SHANK1: variants seen among roughly 807,000 people sequenced by gnomAD.
SHANK1 encodes SH3 and multiple ankyrin repeat domains protein 1.
Under a neutral mutation model 165.6 loss-of-function variants are expected in SHANK1, and 35 were observed. That is an observed-to-expected ratio of 0.21 (90% CI 0.16 to 0.28). SHANK1 has a LOEUF of 0.28. Ranked by LOEUF, SHANK1 falls within the 10% of genes least tolerant of loss-of-function variation. The pLI, the probability that SHANK1 is intolerant of heterozygous loss-of-function variation, is 1.00. For missense variants in SHANK1, 2,681 were observed against 3,036.4 expected (o/e 0.88, Z 2.75); for synonymous variants, 1,428 against 1,384.8 (o/e 1.03, Z -0.69).
At chr19:50,699,197 C>T (rs1279803353) in intron 12 of SHANK1, among the ~76,000 whole-genome samples, 2 of 152,236 alleles carry the variant, frequency 1.3e-5, no homozygotes, top group Non-Finnish European at 2.9e-5. Flanking sequence ...TTGGCTGGTA[C>T]TGCCATGCCT....
At chr19:50,676,518 G>C (rs1985991285) in intron 21 of SHANK1, among the ~76,000 whole-genome samples, 1 of 152,034 alleles carries the variant, frequency 6.6e-6, no homozygotes, top group African/African-American at 2.4e-5. Flanking sequence ...TAGGAGTTGA[G>C]GTTAGACAGG....
At position 50,712,044 on chromosome 19, in the gene SHANK1, G is replaced by A. The variant is rs779141137; in HGVS notation, c.863C>T (p.Ala288Val). 6.2e-7 allele frequency: 1 copy of A among 1,613,918 alleles called. No homozygotes were observed. The highest frequency in any genetic ancestry group is 8.5e-7 in the Non-Finnish European group (1 of 1,179,956). ...RRGLTPLFHT[A>V]MVGGDPRCCE... ...GCATCGGGGGTCACCACCCACCATG[G>A]CCGTGTGGAACAGAGGGGTCAGCCC... The change falls in exon 7 of 24, where the codon GCC becomes GTC. Residue 288 changes from alanine (A) to valine (V), a missense_variant. Coordinates refer to ENST00000293441, the MANE Select transcript of SHANK1 (RefSeq NM_016148.5).
intron 12 of SHANK1, among the ~76,000 whole-genome samples, chr19:50,699,809 G>A (rs1568440263): frequency 3.3e-5 from 5 of 151,792 alleles, no homozygotes; most frequent in Non-Finnish European, 5.9e-5. Context: ...TTGGGAGATT[G>A]GAGGGATTGG....
chr19:50,707,657 C>T (rs1402082375), intron 8 of SHANK1, among the ~76,000 whole-genome samples: 1 of 150,104 alleles, frequency 6.7e-6, no homozygotes, highest in Admixed American at 6.7e-5. Flanking sequence ...ACCTTTTGGG[C>T]TCAAGCAATC....
chr19:50,687,033 G>T, intron 19 of SHANK1: 1 of 1,485,972 alleles, frequency 6.7e-7, no homozygotes, highest in East Asian at 2.7e-5. Flanking sequence ...TCTTCTTCCA[G>T]GGGGAGACTA....
At chr19:50,708,796 T>TTCAC (rs1191019852) in intron 8 of SHANK1, among the ~76,000 whole-genome samples, 1 of 152,198 alleles carries the variant, frequency 6.6e-6, no homozygotes, top group South Asian at 2.1e-4. Context: ...CATTCATTCA[T>TTCAC]TCACTCACTC....
chr19:50,714,030 T>C, intron 5 of SHANK1, 81 bp from the exon 6 acceptor site: 2 of 1,573,690 alleles, frequency 1.3e-6, no homozygotes, highest in South Asian at 1.2e-5. Flanking sequence ...TCTGCAGCTC[T>C]CCACCCCACA....
Position 50,670,743 on chromosome 19 carries a change from C to T in SHANK1, c.2674+1275G>A, listed in dbSNP as rs1305168822. Among the ~76,000 whole-genome samples, 1 of 152,142 alleles carries T rather than the reference C, an allele frequency of 6.6e-6. No homozygotes were observed. The highest frequency in any genetic ancestry group is 1.5e-5 in the Non-Finnish European group (1 of 68,018). The stretch of plus-strand genomic sequence containing the variant: ...AGGTAGTTCGCTCTGCCTGGAATGC[C>T]TCAACCCCAGGGAGCCTCACGATTC... On this transcript the variant is annotated intron_variant, in intron 22 of 23. Transcript: ENST00000293441. The surrounding 1 kb of genome is among the most constrained non-coding windows in gnomAD (Gnocchi z 4.1).
intron 23 of SHANK1, 24 bp downstream of exon 23, chr19:50,666,164 CCCTT>C: frequency 6.5e-7 from 1 of 1,538,862 alleles, no homozygotes; most frequent in Non-Finnish European, 8.8e-7. Context: ...CCTCTGGCCT[CCCTT>C]GTTGGCCACC....
At position 50,662,586 on chromosome 19, in the gene SHANK1, T is replaced by C. The variant is rs1409657667; in HGVS notation, c.5865A>G (p.Gly1955=). ...PKPPLPPLPT[G]TGVSPTAAAA... ...CAGCGGCTGTAGGGGAGACCCCTGT[T>C]CCGGTGGGGAGTGGCGGCAGAGGTG... Residue 1955 remains glycine, a synonymous_variant, in exon 24 of 24, where the codon GGA becomes GGG. Transcript: ENST00000293441. This position sits in a 1 kb window ranked among gnomAD's most constrained non-coding sequence, Gnocchi z 7.7. 6.4e-7 allele frequency: 1 copy of C among 1,565,366 alleles called. No individual in the cohort carries two copies. Among genetic ancestry groups the C allele is most frequent in the Non-Finnish European group, 8.7e-7 (1 of 1,154,596 alleles).
rs1279928075 is a variant in SHANK1 at position 50,661,371 on chromosome 19, G to A, written c.*594C>T. ...CGGGCCTCGCCAGCCAGAAGCAAAGGCAGAATGTGCAAGACAGCGAGAGGG... is the reference window on the plus strand; with the variant it reads ...CGGGCCTCGCCAGCCAGAAGCAAAGACAGAATGTGCAAGACAGCGAGAGGG... On this transcript the variant is annotated 3_prime_UTR_variant, in exon 24 of 24. Coordinates refer to ENST00000293441, the MANE Select transcript of SHANK1 (RefSeq NM_016148.5). 6.6e-6 allele frequency among the ~76,000 whole-genome samples: 1 copy of A among 152,180 alleles called. No individual in the cohort carries two copies. The highest frequency in any genetic ancestry group is 2.4e-5 in the African/African-American group (1 of 41,440).
In SHANK1 at chr19:50,697,970, G is replaced by C; in HGVS notation, c.1748-14C>G. On this transcript the variant is annotated splice_polypyrimidine_tract_variant and intron_variant, in intron 12 of 23. Coordinates refer to ENST00000293441, the MANE Select transcript of SHANK1 (RefSeq NM_016148.5). The surrounding 1 kb of genome is among the most constrained non-coding windows in gnomAD (Gnocchi z 4.7). ...CGATGCTAAGTACTGGATGGGGAAC[G>C]GGGACATAGAGACATTTCTGTGTTT... The C allele has an allele frequency of 6.4e-7, 1 of 1,573,556 alleles. No individual in the cohort carries two copies. Among genetic ancestry groups the C allele is most frequent in the Admixed American group, 1.7e-5 (1 of 59,506 alleles).
Position 50,688,735 on chromosome 19 carries a change from C to A in SHANK1, c.2172+109G>T. The A allele has an allele frequency of 8.6e-7, 1 of 1,168,934 alleles. No individual in the cohort carries two copies. 72.4% of individuals were successfully genotyped at this position (1,168,934 alleles called of 1,614,324 possible). A position where few individuals can be genotyped will look rare whatever the true frequency, so the allele number is the denominator to read the frequency against. On this transcript the variant is annotated intron_variant, in intron 17 of 23. Transcript: ENST00000293441. The surrounding 1 kb of genome is among the most constrained non-coding windows in gnomAD (Gnocchi z 6.7). The stretch of plus-strand genomic sequence containing the variant: ...GGGGGGTGGGCAGGGGGCTGGGAAT[C>A]CTGGTGCCAAAGGAGAATAAAACTG...
Position 50,666,671 on chromosome 19 carries a change from T to C in SHANK1, c.5289A>G (p.Gly1763=). 1.3e-6 allele frequency: 2 copies of C among 1,587,206 alleles called. No individual in the cohort carries two copies. Among genetic ancestry groups the C allele is most frequent in the Non-Finnish European group, 1.7e-6 (2 of 1,170,272 alleles). The part of the protein sequence containing the change: ...TPSKLRGRAL[G]ASGGLRPGPS... Reference sequence around the variant, plus strand: ...GGCCAGGCCGCAGGCCTCCGCTGGCTCCTAGCGCCCGGCCCCGGAGCTTAG... The same window carrying C: ...GGCCAGGCCGCAGGCCTCCGCTGGCCCCTAGCGCCCGGCCCCGGAGCTTAG... Residue 1763 remains glycine, a synonymous_variant, in exon 23 of 24, where the codon GGA becomes GGG. Coordinates refer to ENST00000293441, the MANE Select transcript of SHANK1 (RefSeq NM_016148.5).
At position 50,717,875 on chromosome 19, in the gene SHANK1, G is replaced by C. The variant is rs1451421198; in HGVS notation, c.-43-913C>G. Among the ~76,000 whole-genome samples, 1 of 152,024 alleles carries C rather than the reference G, an allele frequency of 6.6e-6. No homozygotes were observed. Among genetic ancestry groups the C allele is most frequent in the African/African-American group, 2.4e-5 (1 of 41,374 alleles). Reference sequence around the variant, plus strand: ...GGAGGGAGGCTAAGAAGTGAGAGGAGGGTCTGGGGAACTGAGTGGGGGATC... The same window carrying C: ...GGAGGGAGGCTAAGAAGTGAGAGGACGGTCTGGGGAACTGAGTGGGGGATC... On this transcript the variant is annotated intron_variant, in intron 1 of 23. Transcript: ENST00000293441. The surrounding 1 kb of genome is among the most constrained non-coding windows in gnomAD (Gnocchi z 5.5).
chr19:50,704,304 C>T (rs2088911239), intron 9 of SHANK1, 118 bp from the exon 10 acceptor site: 2 of 1,316,210 alleles, frequency 1.5e-6, no homozygotes, highest in Admixed American at 3.4e-5. Context: ...ATGCCGCCCT[C>T]TGTCTTCTTC....
At chr19:50,677,018 C>T (rs1986005366) in intron 21 of SHANK1, among the ~76,000 whole-genome samples, 1 of 152,036 alleles carries the variant, frequency 6.6e-6, no homozygotes, top group Non-Finnish European at 1.5e-5. Flanking sequence ...ACTATGAGGC[C>T]AGTCTGCAGT....
chr19:50,704,273 C>T, intron 9 of SHANK1, 87 bp from the exon 10 acceptor site: 1 of 1,421,468 alleles, frequency 7.0e-7, no homozygotes, highest in East Asian at 2.3e-5. Context: ...CCTGGCCCGA[C>T]CCAAACCTTC....
Position 50,691,091 on chromosome 19 carries a change from C to A in SHANK1, c.1965-1812G>T, listed in dbSNP as rs371748029. 3.5e-4 allele frequency among the ~76,000 whole-genome samples: 53 copies of A among 152,214 alleles called. No homozygotes were observed. In the South Asian group the frequency reaches 9.1e-3, roughly 26 times the overall value. ...TAACAGTCCAGTAAACTCATCCACA[C>A]CATACCCGCCATGTCTTCCTCCCCT... On this transcript the variant is annotated intron_variant, in intron 15 of 23. Coordinates refer to ENST00000293441, the MANE Select transcript of SHANK1 (RefSeq NM_016148.5).
Sources: gnomAD v4.1 joint callset for allele counts (sites outside exome capture counted in the v4.1 genomes callset) on GRCh38, gnomAD v4.1.1 for gene constraint, Gnocchi (gnomAD v3.1) non-coding constraint, MANE v1.5 for transcripts, NCBI Gene and HGNC (gene_info 2026-07-23, HGNC 2026-07-21) for gene names.